Variants in CACNA2D3 observed in about 807,000 individuals in gnomAD.
The protein encoded by CACNA2D3 is calcium voltage-gated channel auxiliary subunit alpha2delta 3.
A neutral mutation model predicts 160.6 loss-of-function variants in CACNA2D3; 60 were observed. That is an observed-to-expected ratio of 0.37 (90% CI 0.30 to 0.46). The LOEUF is 0.46. CACNA2D3 is among the 20% of genes least tolerant of loss of function. The pLI is 1.00. For missense variants in CACNA2D3, 1,205 were observed against 1,365.0 expected (o/e 0.88, Z 1.85); for synonymous variants, 558 against 492.9 (o/e 1.13, Z -1.75).
intron 31 of CACNA2D3, among the ~76,000 whole-genome samples, chr3:54,995,067 G>A (rs908671527): frequency 6.6e-6 from 1 of 152,008 alleles, no homozygotes; most frequent in African/African-American, 2.4e-5. Context: ...TCTGCCTCCC[G>A]GATTCAAGCG....
intron 27 of CACNA2D3, 64 bp from the exon 28 acceptor site, chr3:54,968,386 G>C: frequency 1.8e-6 from 2 of 1,107,672 alleles, no homozygotes; most frequent in Admixed American, 3.9e-5. Context: ...AATTTTCAAC[G>C]ATAATCTTAA....
chr3:54,912,139 C>T (rs1700568712), intron 27 of CACNA2D3, among the ~76,000 whole-genome samples: 1 of 152,172 alleles, frequency 6.6e-6, no homozygotes, highest in African/African-American at 2.4e-5. Context: ...TACCTCCTTG[C>T]CACATAGGCT....
At chr3:54,672,925 A>G (rs2106901009) in intron 11 of CACNA2D3, among the ~76,000 whole-genome samples, 1 of 152,344 alleles carries the variant, frequency 6.6e-6, no homozygotes, top group South Asian at 2.1e-4. Context: ...TGACGATGAC[A>G]TTGTTACTTT....
chr3:54,926,347 C>G (rs1394070845), intron 27 of CACNA2D3, among the ~76,000 whole-genome samples: 1 of 152,092 alleles, frequency 6.6e-6, no homozygotes, highest in Non-Finnish European at 1.5e-5. Context: ...GAATCACTTG[C>G]CCAAGTTCAC....
At chr3:54,835,039 G>T (rs142426079) in intron 14 of CACNA2D3, among the ~76,000 whole-genome samples, 189 of 152,276 alleles carry the variant, frequency 1.2e-3, no homozygotes, top group African/African-American at 4.4e-3. Flanking sequence ...GCAACATCTA[G>T]ACTGGCAGTT....
intron 1 of CACNA2D3, 102 bp downstream of exon 1, chr3:54,122,937 C>G (rs1052401798): frequency 9.4e-5 from 102 of 1,082,806 alleles, no homozygotes; most frequent in Non-Finnish European, 1.1e-4. Context: ...CAGGACCCGC[C>G]GCGGGCGTCG....
intron 27 of CACNA2D3, among the ~76,000 whole-genome samples, chr3:54,960,220 ATCT>A (rs1019226719): frequency 1.3e-4 from 20 of 152,124 alleles, no homozygotes; most frequent in African/African-American, 3.9e-4. Context: ...AGCAAAGAAA[ATCT>A]TCTGCTGCGG....
chr3:54,926,887 G>A (rs72877911), intron 27 of CACNA2D3, among the ~76,000 whole-genome samples: 3 of 152,122 alleles, frequency 2.0e-5, no homozygotes. Flanking sequence ...TTCTCACAGG[G>A]CTCAGAGAGG....
rs373969778 is a variant in CACNA2D3 at position 54,287,395 on chromosome 3, T to A, written c.205-33047T>A. Among the ~76,000 whole-genome samples the A allele has an allele frequency of 3.4e-3, 518 of 151,240 alleles. 6 individuals carry two copies. Among genetic ancestry groups the A allele is most frequent in the African/African-American group, 0.012 (475 of 41,210 alleles). On this transcript the variant is annotated intron_variant, in intron 2 of 37. Coordinates refer to ENST00000474759, the MANE Select transcript of CACNA2D3 (RefSeq NM_018398.3). Reference sequence around the variant, plus strand: ...AGCTAACTATCCTAAATATATATGCTCCCAATACAGGAGCACCCAGATTCA... The same window carrying A: ...AGCTAACTATCCTAAATATATATGCACCCAATACAGGAGCACCCAGATTCA...
chr3:54,953,116 G>A (rs922793477), intron 27 of CACNA2D3, among the ~76,000 whole-genome samples: 2 of 152,232 alleles, frequency 1.3e-5, no homozygotes, highest in Non-Finnish European at 2.9e-5. Flanking sequence ...CTGTTGTTAT[G>A]TGTATGTGTG....
chr3:54,382,962 C>A (rs890890383), intron 3 of CACNA2D3, among the ~76,000 whole-genome samples: 2 of 152,200 alleles, frequency 1.3e-5, no homozygotes, highest in African/African-American at 4.8e-5. Flanking sequence ...ATCCTCCCAC[C>A]TGAGTTTCAC....
At chr3:54,711,510 A>G (rs1439349057) in intron 11 of CACNA2D3, among the ~76,000 whole-genome samples, 1 of 152,172 alleles carries the variant, frequency 6.6e-6, no homozygotes, top group African/African-American at 2.4e-5. Flanking sequence ...TTTATCTTAT[A>G]AAAGAGGGAG....
At chr3:54,465,367 A>T (rs868732875) in intron 4 of CACNA2D3, among the ~76,000 whole-genome samples, 1 of 152,070 alleles carries the variant, frequency 6.6e-6, no homozygotes, top group African/African-American at 2.4e-5. Flanking sequence ...ACATTACTTT[A>T]TTACAGTAAT....
At chr3:54,219,195 GTGCTTA>G (rs1204746434) in intron 2 of CACNA2D3, among the ~76,000 whole-genome samples, 1 of 152,172 alleles carries the variant, frequency 6.6e-6, no homozygotes, top group East Asian at 1.9e-4. Context: ...AGAGCTGATT[GTGCTTA>G]TCTTTTCCCA....
At chr3:54,677,056 C>T (rs774981930) in intron 11 of CACNA2D3, among the ~76,000 whole-genome samples, 2 of 152,178 alleles carry the variant, frequency 1.3e-5, no homozygotes, top group South Asian at 2.1e-4. Context: ...TTGATATGTA[C>T]GTGCCCTTGA....
intron 3 of CACNA2D3, among the ~76,000 whole-genome samples, chr3:54,331,831 C>T (rs1704263977): frequency 6.6e-6 from 1 of 152,116 alleles, no homozygotes; most frequent in South Asian, 2.1e-4. Context: ...GTTTTGTTGT[C>T]TGTTTTCTCC....
At chr3:54,249,762 ATG>A (rs1388592482) in intron 2 of CACNA2D3, among the ~76,000 whole-genome samples, 185 of 115,246 alleles carry the variant, frequency 1.6e-3, no homozygotes, top group African/African-American at 5.9e-3. Flanking sequence ...TACCAAAATT[ATG>A]TTTTTTTTTT....
At chr3:54,969,887 AGGTG>A in intron 29 of CACNA2D3, 43 bp downstream of exon 29, 1 of 1,571,454 alleles carries the variant, frequency 6.4e-7, no homozygotes, top group Non-Finnish European at 8.8e-7. Flanking sequence ...TGTGGATAGA[AGGTG>A]ACAGATGGTG....
intron 9 of CACNA2D3, among the ~76,000 whole-genome samples, chr3:54,624,820 C>T (rs949421542): frequency 5.9e-5 from 9 of 152,144 alleles, no homozygotes; most frequent in African/African-American, 2.2e-4. Context: ...CTCCGTGTCC[C>T]TAGGTGGGTG....
Sources: allele counts gnomAD v4.1 joint callset (sites outside exome capture counted in the v4.1 genomes callset), GRCh38; gene constraint gnomAD v4.1.1; transcripts MANE v1.5; gene names NCBI Gene and HGNC (gene_info 2026-07-23, HGNC 2026-07-21).